Variants in GOLGA8T observed in about 807,000 individuals in gnomAD.
The protein encoded by GOLGA8T is golgin subfamily A member 8T.
GOLGA8T carries 17 observed loss-of-function variants against 52.0 expected under a neutral mutation model. That is an observed-to-expected ratio of 0.33 (90% confidence interval 0.22 to 0.49). The LOEUF (loss-of-function observed/expected upper bound fraction) is 0.49, where lower values mean the gene tolerates loss of function less well. GOLGA8T is among the 20% of genes least tolerant of loss of function. GOLGA8T has a pLI of 0.99. For synonymous variants in GOLGA8T, 67 were observed against 169.5 expected (o/e 0.40, Z 4.70); for missense variants, 154 against 462.1 (o/e 0.33, Z 6.11).
intron 8 of GOLGA8T, 83 bp from the exon 9 acceptor site, chr15:30,140,759 G>A: frequency 2.8e-6 from 3 of 1,055,784 alleles, no homozygotes; most frequent in East Asian, 2.5e-5. Flanking sequence ...TGTATATTGG[G>A]CCTAGCCCTA....
Position 30,141,433 on chromosome 15 carries a change from G to A in GOLGA8T, c.874+8G>A. 1.3e-6 allele frequency: 2 copies of A among 1,524,974 alleles called. No individual in the cohort carries two copies. Among genetic ancestry groups the A allele is most frequent in the Non-Finnish European group, 1.7e-6 (2 of 1,151,128 alleles). 94.5% of individuals were successfully genotyped at this position (1,524,974 alleles called of 1,614,324 possible). On this transcript the variant is annotated splice_region_variant and intron_variant, in intron 11 of 18. Transcript: ENST00000569052. ...AACTCAAAAACCAGATGGGTAAGAT[G>A]GGGCTGGCATGACCTAGGAGCAGGA...
rs1351324403 is a variant in GOLGA8T, at chr15:30,143,376, G to A, written c.1201-230G>A. On this transcript the variant is annotated intron_variant, in intron 13 of 18. Transcript: ENST00000569052. ...ACCTGGGTCACCTGCAGCAGTACGT[G>A]GCCACCTATCAGCAGCTGACCTGTT... 1.7e-5 allele frequency among the ~76,000 whole-genome samples: 2 copies of A among 117,800 alleles called. 1 individual carries two copies. The highest frequency in any genetic ancestry group is 3.2e-5 in the Non-Finnish European group (2 of 63,208). The allele number at this position is 117,800 out of a possible 152,430, so 77.3% of individuals were successfully genotyped here. A position where few individuals can be genotyped will look rare whatever the true frequency, so the allele number is the denominator to read the frequency against.
At chr15:30,140,142 A>G (rs1460684015) in intron 8 of GOLGA8T, 5 of 377,364 alleles carry the variant, frequency 1.3e-5, no homozygotes, top group Non-Finnish European at 1.4e-5. Flanking sequence ...AGAAAGAGGA[A>G]ACGTGTGTGC....
intron 2 of GOLGA8T, among the ~76,000 whole-genome samples, 188 bp downstream of exon 2, chr15:30,137,173 C>T (rs1442660561): frequency 2.1e-5 from 3 of 145,622 alleles, no homozygotes; most frequent in South Asian, 2.2e-4. Context: ...GTCAGGAGAT[C>T]GAGACCATCC....
At chr15:30,143,269 C>T (rs375643047) in intron 13 of GOLGA8T, among the ~76,000 whole-genome samples, 4 of 104,676 alleles carry the variant, frequency 3.8e-5, no homozygotes, top group South Asian at 3.1e-4. Context: ...CCAGCCACCA[C>T]GTGCCCTCAC....
Position 30,141,298 on chromosome 15 carries a change from C to T in GOLGA8T, c.787-40C>T, listed in dbSNP as rs532188516. The stretch of plus-strand genomic sequence containing the variant: ...AGAGGGCAGCCTGTCCAGCCACCAG[C>T]CCCTCTCTCCAAGGCCCTTTCCCCT... On this transcript the variant is annotated intron_variant, in intron 10 of 18. Coordinates refer to ENST00000569052, the MANE Select transcript of GOLGA8T (RefSeq NM_001355469.2). 1,972 of 1,551,702 alleles carry T rather than the reference C, an allele frequency of 1.3e-3. 145 individuals carry two copies. The highest frequency in any genetic ancestry group is 1.6e-3 in the Non-Finnish European group (1,822 of 1,159,178).
Position 30,146,807 on chromosome 15 carries a change from GA to G in GOLGA8T, c.*1244del, listed in dbSNP as rs2057832404. 9.3e-6 allele frequency among the ~76,000 whole-genome samples: 1 copy of G among 107,826 alleles called. No homozygotes were observed. Among genetic ancestry groups the G allele is most frequent in the Non-Finnish European group, 1.7e-5 (1 of 60,396 alleles). 70.7% of individuals were successfully genotyped at this position (107,826 alleles called of 152,430 possible). On this transcript the variant is annotated 3_prime_UTR_variant, in exon 19 of 19. Coordinates refer to ENST00000569052, the MANE Select transcript of GOLGA8T (RefSeq NM_001355469.2). ...GAATTTACTTCTTTTTCCTTGAATG[GA>G]AAACACTTTAAAAAATAATAGAAAC...
Position 30,141,320 on chromosome 15 carries a change from C to T in GOLGA8T, c.787-18C>T, listed in dbSNP as rs1464421674. 3 of 1,549,624 alleles carry T rather than the reference C, an allele frequency of 1.9e-6. No individual in the cohort carries two copies. Among genetic ancestry groups the T allele is most frequent in the Non-Finnish European group, 2.6e-6 (3 of 1,158,910 alleles). On this transcript the variant is annotated intron_variant, in intron 10 of 18. Coordinates refer to ENST00000569052, the MANE Select transcript of GOLGA8T (RefSeq NM_001355469.2). Reference sequence around the variant, plus strand: ...CAGCCCCTCTCTCCAAGGCCCTTTCCCCTTGTGCTTTGGGCAGATTTGCAC... The same window carrying T: ...CAGCCCCTCTCTCCAAGGCCCTTTCTCCTTGTGCTTTGGGCAGATTTGCAC...
intron 1 of GOLGA8T, among the ~76,000 whole-genome samples, 167 bp from the exon 2 acceptor site, chr15:30,136,698 AT>A (rs1363057494): frequency 6.7e-6 from 1 of 148,606 alleles, no homozygotes; most frequent in Non-Finnish European, 1.5e-5. Flanking sequence ...TTTTCTAGCC[AT>A]GATATCAATC....
chr15:30,141,267 A>C, intron 10 of GOLGA8T, 71 bp from the exon 11 acceptor site: 1 of 1,546,244 alleles, frequency 6.5e-7, no homozygotes, highest in Non-Finnish European at 8.7e-7. Context: ...GTGGGGGCAG[A>C]GAGGGAGAGG....
At chr15:30,142,411 C>T (rs1567327223) in intron 13 of GOLGA8T, 29 bp downstream of exon 13, 5 of 1,574,094 alleles carry the variant, frequency 3.2e-6, no homozygotes, top group South Asian at 1.1e-5. Context: ...TCCACCCCAT[C>T]CAAGAAGGGC....
intron 13 of GOLGA8T, among the ~76,000 whole-genome samples, 171 bp downstream of exon 13, chr15:30,142,553 G>A (rs2057760101): frequency 6.9e-6 from 1 of 145,598 alleles, no homozygotes; most frequent in African/African-American, 2.7e-5. Context: ...TTTTAAAGGT[G>A]GGTAGCCCTG....
In GOLGA8T at chr15:30,142,331, C is replaced by A. The variant is rs532404063; in HGVS notation, c.1149C>A (p.Asn383Lys). The change falls in exon 13 of 19, where the codon AAC becomes AAA. Residue 383 changes from asparagine (N) to lysine (K), a missense_variant. By Grantham distance (94) the Asn-to-Lys change is moderately conservative. This residue lies in a region of GOLGA8T where 54 missense variants were observed against 51.5 expected (regional missense o/e 1.05). Transcript: ENST00000569052. ...VFEEPNNENKNALQLEQQVKE... is the reference protein window; with the variant it reads ...VFEEPNNENKKALQLEQQVKE... Reference sequence around the variant, plus strand: ...CTGTCCAGAACAATGAGAACAAGAACGCACTGCAGTTGGAGCAGCAAGTAA... The same window carrying A: ...CTGTCCAGAACAATGAGAACAAGAAAGCACTGCAGTTGGAGCAGCAAGTAA... 6.5e-6 allele frequency: 10 copies of A among 1,540,744 alleles called. No individual in the cohort carries two copies. The Admixed American group carries it at 9.1e-5, about 14-fold the overall frequency.
intron 13 of GOLGA8T, among the ~76,000 whole-genome samples, chr15:30,143,207 CAG>C (rs1397274388): frequency 1.0e-5 from 1 of 97,018 alleles, no homozygotes; most frequent in Non-Finnish European, 1.8e-5. Flanking sequence ...GGGCAGCTGA[CAG>C]AGCCCCACAG....
chr15:30,137,466 CT>C (rs1424545503), intron 2 of GOLGA8T, among the ~76,000 whole-genome samples: 2 of 125,090 alleles, frequency 1.6e-5, no homozygotes, highest in Non-Finnish European at 3.2e-5. Flanking sequence ...GTTGCTAGAC[CT>C]CATCGGGCCT....
chr15:30,142,518 C>G, intron 13 of GOLGA8T, 136 bp downstream of exon 13: 2 of 1,486,296 alleles, frequency 1.3e-6, no homozygotes, highest in South Asian at 2.4e-5. Context: ...CAGGGCAGTC[C>G]TGTTTCTTGC....
chr15:30,137,353 G>A (rs1213462051), intron 2 of GOLGA8T, among the ~76,000 whole-genome samples: 3 of 118,940 alleles, frequency 2.5e-5, no homozygotes, highest in South Asian at 3.1e-4. Context: ...CTCCAGCCTG[G>A]TGACAGAGCA....
Position 30,143,591 on chromosome 15 carries a change from G to A in GOLGA8T, c.1201-15G>A. 6.3e-7 allele frequency: 1 copy of A among 1,583,928 alleles called. No homozygotes were observed. The highest frequency in any genetic ancestry group is 8.5e-7 in the Non-Finnish European group (1 of 1,176,058). ...GGCAAACTCCACCCCTTCTCACTCT[G>A]TCCTGGCCCCTCAGGAGCACCTGGA... On this transcript the variant is annotated splice_polypyrimidine_tract_variant and intron_variant, in intron 13 of 18. Transcript: ENST00000569052.
rs781590608 is a variant in GOLGA8T at position 30,141,435 on chromosome 15, G to A, written c.874+10G>A. 1.4e-5 allele frequency: 22 copies of A among 1,524,242 alleles called. 3 individuals are homozygous for A. The highest frequency in any genetic ancestry group is 4.7e-5 in the East Asian group (2 of 42,410). The allele number at this position is 1,524,242 out of a possible 1,614,324, so 94.4% of individuals were successfully genotyped here. A position where few individuals can be genotyped will look rare whatever the true frequency, so the allele number is the denominator to read the frequency against. ...CTCAAAAACCAGATGGGTAAGATGG[G>A]GCTGGCATGACCTAGGAGCAGGACT... On this transcript the variant is annotated intron_variant, in intron 11 of 18. Coordinates refer to ENST00000569052, the MANE Select transcript of GOLGA8T (RefSeq NM_001355469.2).
Sources: gnomAD v4.1 joint callset for allele counts (sites outside exome capture counted in the v4.1 genomes callset) on GRCh38, gnomAD v4.1.1 for gene constraint, gnomAD v4.1.1 regional missense constraint, MANE v1.5 for transcripts, NCBI Gene and HGNC (gene_info 2026-07-23, HGNC 2026-07-21) for gene names.